The following XCR1 variants were observed in gnomAD, a reference collection of about 807,000 sequenced individuals.
XCR1 encodes chemokine XC receptor 1.
For missense variants in XCR1, 356 were observed against 424.2 expected, an observed-to-expected ratio of 0.84 and a Z score of 1.41; for synonymous variants, 187 against 188.5, an observed-to-expected ratio of 0.99 and a Z score of 0.06.
At chr3:46,029,085 T>A (rs61598729), upstream of XCR1, among the ~76,000 whole-genome samples, 2 of 152,158 alleles carry the variant, frequency 1.3e-5, no homozygotes, top group African/African-American at 4.8e-5. Flanking sequence ...TTTGATTACC[T>A]TTGTAGTAAG....
chr3:46,082,838 G>A (rs11929281), intron 1 of XCR1, among the ~76,000 whole-genome samples: 51,447 of 151,890 alleles, frequency 0.34, 10,728 homozygotes, highest in East Asian at 0.67. Flanking sequence ...TAGCATGGAG[G>A]GATAATTCTC....
chr3:46,065,978 G>A (rs1473914792), intron 4 of XCR1, among the ~76,000 whole-genome samples: 2 of 152,194 alleles, frequency 1.3e-5, no homozygotes, highest in Non-Finnish European at 2.9e-5. Flanking sequence ...AGGAAGATCC[G>A]AGGAAAATAT....
intron 3 of XCR1, among the ~76,000 whole-genome samples, chr3:46,071,755 A>C (rs1245751239): frequency 6.6e-6 from 1 of 152,210 alleles, no homozygotes; most frequent in East Asian, 1.9e-4. Flanking sequence ...GATAAAATTC[A>C]GCATCACCTC....
chr3:46,075,680 A>AAAAG (rs1698246679), intron 2 of XCR1, among the ~76,000 whole-genome samples: 3 of 152,192 alleles, frequency 2.0e-5, no homozygotes, highest in Admixed American at 2.0e-4. Flanking sequence ...TCAACATTTA[A>AAAAG]AAAGAAAACA....
chr3:46,058,621 T>A (rs1697898275), intron 4 of XCR1, among the ~76,000 whole-genome samples: 1 of 152,158 alleles, frequency 6.6e-6, no homozygotes, highest in Non-Finnish European at 1.5e-5. Context: ...GATCATGGCT[T>A]AGTGCAGCTT....
chr3:46,046,203 A>G (rs1293396965), intron 5 of XCR1, among the ~76,000 whole-genome samples: 3 of 152,202 alleles, frequency 2.0e-5, no homozygotes, highest in Non-Finnish European at 4.4e-5. Context: ...CGAACGCAGG[A>G]ATAAAAGACA....
At chr3:46,040,933 C>A (rs1413774580) in intron 5 of XCR1, among the ~76,000 whole-genome samples, 1 of 152,146 alleles carries the variant, frequency 6.6e-6, no homozygotes. Flanking sequence ...TTGCATGGAT[C>A]AAACTAATGG....
intron 5 of XCR1, among the ~76,000 whole-genome samples, chr3:46,040,388 C>G (rs976785071): frequency 2.0e-5 from 3 of 152,062 alleles, no homozygotes; most frequent in African/African-American, 7.2e-5. Flanking sequence ...CTCAAACTAA[C>G]TTTTTTGGAT....
Position 46,021,532 on chromosome 3 carries a change from C to T in XCR1, c.416G>A (p.Arg139His), listed in dbSNP as rs199898916. Residue 139 changes from arginine to histidine, a missense_variant, in exon 2 of 2, where the codon CGC (arginine) becomes CAC (histidine). Coordinates refer to ENST00000309285, the MANE Select transcript of XCR1 (RefSeq NM_001024644.2). This position sits in a 1 kb window ranked among gnomAD's most constrained non-coding sequence, Gnocchi z 4.7. ...CACCCGGCAGCGGAGGGTGGGGACG[C>T]GCAGGGTGGAGAGGGGGCTCACTAC... is the stretch of plus-strand genomic sequence containing the variant. ...LSVVSPLSTL[R>H]VPTLRCRVLV... 77 of 1,610,956 alleles carry T rather than the reference C, an allele frequency of 4.8e-5. No individual in the cohort carries two copies. In the Admixed American group the frequency reaches 1.1e-3, roughly 23 times the overall value.
At chr3:46,075,513 T>C (rs1698243371) in intron 2 of XCR1, among the ~76,000 whole-genome samples, 1 of 151,884 alleles carries the variant, frequency 6.6e-6, no homozygotes, top group African/African-American at 2.4e-5. Flanking sequence ...ACCAAAAATA[T>C]AATACATAAA....
intron 3 of XCR1, among the ~76,000 whole-genome samples, chr3:46,069,774 T>A (rs914749381): frequency 2.6e-5 from 4 of 152,256 alleles, no homozygotes; most frequent in Admixed American, 6.5e-5. Context: ...ATAATTTGTA[T>A]TGTTTTCTTT....
At chr3:46,052,833 C>A (rs1697773700) in intron 5 of XCR1, among the ~76,000 whole-genome samples, 1 of 152,174 alleles carries the variant, frequency 6.6e-6, no homozygotes, top group African/African-American at 2.4e-5. Flanking sequence ...TGTAATCTTG[C>A]AAGAAATTGT....
In XCR1 at chr3:46,059,649, C is replaced by T. The variant is rs143055025; in HGVS notation, c.-182-5579G>A. Among the ~76,000 whole-genome samples, 56 of 152,174 alleles carry T rather than the reference C, an allele frequency of 3.7e-4. No homozygotes were observed. In the East Asian group the frequency reaches 9.8e-3, roughly 27 times the overall value. ...TACGTATTCCATTTCCCACTTTTAG[C>T]AAAAAAGAGGAAATGGTGCCTGGCT... On this transcript the variant is annotated intron_variant, in intron 4 of 5. Coordinates refer to the XCR1 transcript ENST00000683768.
chr3:46,031,634 G>A (rs1038388608), upstream of XCR1, among the ~76,000 whole-genome samples: 12 of 152,226 alleles, frequency 7.9e-5, no homozygotes, highest in East Asian at 2.3e-3. Context: ...CAGGTCCCTG[G>A]TGAAGCCCCA....
intron 5 of XCR1, among the ~76,000 whole-genome samples, chr3:46,040,183 A>G (rs1302461020): frequency 6.6e-6 from 1 of 152,166 alleles, no homozygotes; most frequent in African/African-American, 2.4e-5. Context: ...TGCCTTTTTT[A>G]TTAGGTCTTA....
chr3:46,025,514 T>C (rs1024606558), intron 1 of XCR1, among the ~76,000 whole-genome samples: 2 of 152,168 alleles, frequency 1.3e-5, no homozygotes, highest in Non-Finnish European at 2.9e-5. Flanking sequence ...TTATAGACTT[T>C]ACAAGAATAA....
intron 4 of XCR1, among the ~76,000 whole-genome samples, chr3:46,062,272 A>T (rs1292987716): frequency 6.6e-6 from 1 of 152,022 alleles, no homozygotes; most frequent in African/African-American, 2.4e-5. Context: ...CCTTCAGGAG[A>T]CCCTGCTGCA....
At chr3:46,044,264 G>A (rs1697585713) in intron 5 of XCR1, among the ~76,000 whole-genome samples, 1 of 152,126 alleles carries the variant, frequency 6.6e-6, no homozygotes, top group Non-Finnish European at 1.5e-5. Context: ...TGGGATTACA[G>A]GGATGAGCCA....
intron 1 of XCR1, among the ~76,000 whole-genome samples, chr3:46,079,685 C>T (rs1044024823): frequency 1.3e-5 from 2 of 152,068 alleles, no homozygotes; most frequent in Non-Finnish European, 2.9e-5. Flanking sequence ...GAGGTGAGAC[C>T]ACTATTATGT....
Sources: allele counts gnomAD v4.1 joint callset (sites outside exome capture counted in the v4.1 genomes callset), GRCh38; gene constraint gnomAD v4.1.1; non-coding constraint Gnocchi (gnomAD v3.1); transcripts MANE v1.5; gene names NCBI Gene and HGNC (gene_info 2026-07-23, HGNC 2026-07-21).